DAP3: variants seen among roughly 807,000 people sequenced by gnomAD.
DAP3 encodes small ribosomal subunit protein mS29.
Under a neutral mutation model 51.9 loss-of-function variants are expected in DAP3, and 28 were observed. The ratio of observed to expected loss-of-function variants is 0.54; its 90% CI spans 0.40 to 0.74. The LOEUF is 0.74. Among genes scored for constraint, DAP3 ranks in the 30% least tolerant of loss-of-function variants. The pLI, the probability that DAP3 is intolerant of heterozygous loss-of-function variation, is 0.00. For missense variants in DAP3, 458 were observed against 483.5 expected (o/e 0.95, Z 0.49); for synonymous variants, 170 against 170.3 (o/e 1.00, Z 0.01).
At chr1:155,688,377 T>G (rs781498469), upstream of DAP3, 2 of 1,544,112 alleles carry the variant, frequency 1.3e-6, no homozygotes, top group South Asian at 1.2e-5. Context: ...GGGAGGGAGC[T>G]AAGGGCGCCT....
rs776716215 is a variant in DAP3 at position 155,727,744 on chromosome 1, T to A, written c.603+6T>A. Reference sequence around the variant, plus strand: ...ATGAGCGCTTCCTGAACCAGGTGACTAGACTCCCAGAAGTTGAGTGCTAGG... The same window carrying A: ...ATGAGCGCTTCCTGAACCAGGTGACAAGACTCCCAGAAGTTGAGTGCTAGG... On this transcript the variant is annotated splice_donor_region_variant and intron_variant, in intron 7 of 12. Transcript: ENST00000368336. 1.2e-6 allele frequency: 2 copies of A among 1,613,370 alleles called. No homozygotes were observed. The highest frequency in any genetic ancestry group is 8.5e-7 in the Non-Finnish European group (1 of 1,179,626).
chr1:155,689,173 C>T lies in DAP3; in HGVS notation c.-9C>T. ...GTCTGGAGAACTAGTCCTCGACTCACGGTGAGGGAATGGACCGACACGGGT... is the reference window on the plus strand; with the variant it reads ...GTCTGGAGAACTAGTCCTCGACTCATGGTGAGGGAATGGACCGACACGGGT... On this transcript the variant is annotated splice_region_variant and 5_prime_UTR_variant, in exon 1 of 13. The change creates a new upstream start codon in the 5' untranslated region. Transcript: ENST00000368336. 1 of 738,996 alleles carries T rather than the reference C, an allele frequency of 1.4e-6. No homozygotes were observed. The highest frequency in any genetic ancestry group is 2.4e-6 in the Non-Finnish European group (1 of 422,940). 45.8% of individuals were successfully genotyped at this position (738,996 alleles called of 1,614,324 possible). A position where few individuals can be genotyped will look rare whatever the true frequency, so the allele number is the denominator to read the frequency against.
rs777564799 is a variant in DAP3, at chr1:155,738,141, T to G, written c.1112-16T>G. On this transcript the variant is annotated splice_polypyrimidine_tract_variant and intron_variant, in intron 12 of 12. Coordinates refer to ENST00000368336, the MANE Select transcript of DAP3 (RefSeq NM_004632.4). ...AGGAGGAAACTGCCACTTACCTGTG[T>G]TTGTCTCCATTTTAGCTCCTACAGA... 5.6e-5 allele frequency: 90 copies of G among 1,613,874 alleles called. No homozygotes were observed. In the East Asian group the frequency reaches 2.0e-3, roughly 35 times the overall value.
chr1:155,722,051 C>T (rs369391179), intron 4 of DAP3: 10 of 191,960 alleles, frequency 5.2e-5, no homozygotes, highest in East Asian at 2.5e-4. Context: ...TTTTAGCATG[C>T]GAGCCAGAGG....
chr1:155,735,007 A>G (rs1571574317), intron 11 of DAP3, among the ~76,000 whole-genome samples: 1 of 151,860 alleles, frequency 6.6e-6, no homozygotes, highest in Non-Finnish European at 1.5e-5. Flanking sequence ...GCTCATGCCT[A>G]TAATCCCAGC....
chr1:155,724,809 G>A (rs1347447946), intron 4 of DAP3, among the ~76,000 whole-genome samples: 1 of 151,846 alleles, frequency 6.6e-6, no homozygotes, highest in Non-Finnish European at 1.5e-5. Context: ...ATACAAAATA[G>A]CCGGGCATGG....
intron 6 of DAP3, 27 bp from the exon 7 acceptor site, chr1:155,727,581 G>C (rs1658750489): frequency 6.2e-7 from 1 of 1,605,692 alleles, no homozygotes; most frequent in Non-Finnish European, 8.5e-7. Flanking sequence ...TGCCTGGCTT[G>C]TTTTCTTCTG....
At chr1:155,688,691 T>C, upstream of DAP3, 1 of 1,523,386 alleles carries the variant, frequency 6.6e-7, no homozygotes, top group Non-Finnish European at 8.7e-7. Flanking sequence ...CTTCTCCACC[T>C]CCTCTTCTCT....
At chr1:155,714,030 T>C (rs539228146) in intron 2 of DAP3, among the ~76,000 whole-genome samples, 1 of 152,194 alleles carries the variant, frequency 6.6e-6, no homozygotes, top group African/African-American at 2.4e-5. Context: ...TGAGGCTTGA[T>C]GAATGGGAAA....
At chr1:155,727,779 C>A (rs757164038) in intron 7 of DAP3, 41 bp downstream of exon 7, 1 of 1,601,810 alleles carries the variant, frequency 6.2e-7, no homozygotes, top group Non-Finnish European at 8.5e-7. Flanking sequence ...GTAGTCCTTA[C>A]ATGGATTCTT....
rs1046603491 is a variant in DAP3 at position 155,717,177 on chromosome 1, T to C, written c.168+49T>C. ...GGTTTCTCAGGGCTTATGATTTGTG[T>C]TCCTGTCCTCATTTTGCATAGGAAA... On this transcript the variant is annotated intron_variant, in intron 3 of 12. Transcript: ENST00000368336. 3 of 1,585,476 alleles carry C rather than the reference T, an allele frequency of 1.9e-6. No homozygotes were observed. In the African/African-American group the frequency reaches 4.1e-5, roughly 22 times the overall value.
chr1:155,716,937 A>T (rs1334389456), intron 2 of DAP3, 69 bp from the exon 3 acceptor site: 9 of 1,569,042 alleles, frequency 5.7e-6, no homozygotes, highest in Middle Eastern at 1.7e-4. Flanking sequence ...AACAAGAGAG[A>T]AACTCCATCT....
intron 4 of DAP3, among the ~76,000 whole-genome samples, chr1:155,723,005 T>G (rs1308246572): frequency 6.6e-6 from 1 of 152,152 alleles, no homozygotes; most frequent in Non-Finnish European, 1.5e-5. Flanking sequence ...TAATTTTCAT[T>G]TACATGAAGG....
At chr1:155,704,345 G>C (rs1396587238) in intron 1 of DAP3, among the ~76,000 whole-genome samples, 1 of 152,162 alleles carries the variant, frequency 6.6e-6, no homozygotes, top group East Asian at 1.9e-4. Context: ...AATAGCTCCA[G>C]TGTCCACAGG....
chr1:155,690,892 A>C, intron 1 of DAP3, among the ~76,000 whole-genome samples: 1 of 141,874 alleles, frequency 7.0e-6, no homozygotes, highest in East Asian at 1.9e-4. Context: ...GGCACATGCC[A>C]CCACATCCAG....
chr1:155,704,574 A>G (rs552220026), intron 1 of DAP3, among the ~76,000 whole-genome samples: 2 of 152,368 alleles, frequency 1.3e-5, no homozygotes, highest in South Asian at 4.1e-4. Flanking sequence ...CAGGCAGGCC[A>G]GTAGAGACCA....
At chr1:155,726,341 T>G (rs1658595093) in intron 6 of DAP3, 1 of 163,050 alleles carries the variant, frequency 6.1e-6, no homozygotes, top group Non-Finnish European at 1.3e-5. Context: ...CAGGCTGGAG[T>G]GCAGTGGCAC....
rs529218868 is a variant in DAP3 at position 155,690,765 on chromosome 1, A to G, written c.-8+1591A>G. Reference sequence around the variant, plus strand: ...CTTTTTTTTGTTTGTTTGCTTTGAGATAGGATCTATGTCGCCAAGGCTGGA... The same window carrying G: ...CTTTTTTTTGTTTGTTTGCTTTGAGGTAGGATCTATGTCGCCAAGGCTGGA... On this transcript the variant is annotated intron_variant, in intron 1 of 12. Transcript: ENST00000368336. Among the ~76,000 whole-genome samples, 4 of 141,744 alleles carry G rather than the reference A, an allele frequency of 2.8e-5. No individual in the cohort carries two copies. In the East Asian group the frequency reaches 7.7e-4, roughly 27 times the overall value. The allele number at this position is 141,744 out of a possible 152,430, so 93.0% of individuals were successfully genotyped here. A position where few individuals can be genotyped will look rare whatever the true frequency, so the allele number is the denominator to read the frequency against.
At chr1:155,724,277 C>T (rs1351347428) in intron 4 of DAP3, among the ~76,000 whole-genome samples, 1 of 152,130 alleles carries the variant, frequency 6.6e-6, no homozygotes, top group East Asian at 1.9e-4. Flanking sequence ...CAGCTGGTCA[C>T]ACCTGCTCCT....
Sources: gnomAD v4.1 joint callset for allele counts (sites outside exome capture counted in the v4.1 genomes callset) on GRCh38, gnomAD v4.1.1 for gene constraint, MANE v1.5 for transcripts, NCBI Gene and HGNC (gene_info 2026-07-23, HGNC 2026-07-21) for gene names.